Variants in MAST4 observed in about 807,000 individuals in gnomAD.
MAST4 encodes microtubule-associated serine/threonine-protein kinase 4.
Under a neutral mutation model 162.7 loss-of-function variants are expected in MAST4, and 89 were observed. The ratio of observed to expected loss-of-function variants is 0.55; its 90% CI spans 0.46 to 0.65. The LOEUF is 0.65. Ranked by LOEUF, MAST4 falls within the 30% of genes least tolerant of loss-of-function variation. The pLI, the probability that MAST4 is intolerant of heterozygous loss-of-function variation, is 0.00. For synonymous variants in MAST4, 1,479 were observed against 1,361.1 expected (o/e 1.09, Z -1.91); for missense variants, 3,153 against 3,374.0 (o/e 0.93, Z 1.62).
intron 1 of MAST4, among the ~76,000 whole-genome samples, chr5:66,651,320 T>C (rs1382180158): frequency 6.6e-6 from 1 of 152,152 alleles, no homozygotes; most frequent in Non-Finnish European, 1.5e-5. Flanking sequence ...AGATTTTCAT[T>C]TCCTAGTGGA....
rs756670037 is a variant in MAST4 at position 67,166,498 on chromosome 5, C to T, written c.7319C>T (p.Ser2440Phe). 6.2e-7 allele frequency: 1 copy of T among 1,605,418 alleles called. No individual in the cohort carries two copies. The highest frequency in any genetic ancestry group is 1.7e-5 in the Admixed American group (1 of 58,974). The change falls in exon 29 of 29, where the codon TCC becomes TTC. Residue 2440 changes from serine (S) to phenylalanine (F), a missense_variant. By Grantham distance (155) the Ser-to-Phe change is radical. Transcript: ENST00000403625. ...GACAAGCCCAATGGCATGAAACGGT[C>T]CCCCTCAGCCACTGGGCAGAGTTCT... Reference protein sequence around the residue: ...EADKPNGMKRSPSATGQSSFR... With the variant: ...EADKPNGMKRFPSATGQSSFR...
chr5:67,077,116 C>T (rs1351276489), intron 5 of MAST4, among the ~76,000 whole-genome samples: 2 of 152,146 alleles, frequency 1.3e-5, no homozygotes, highest in African/African-American at 2.4e-5. Context: ...CCTGGTCTGG[C>T]CTATATCTTT....
chr5:67,093,582 T>C, intron 6 of MAST4: 1 of 455,028 alleles, frequency 2.2e-6, no homozygotes, highest in Admixed American at 2.3e-5. Context: ...CTGTACAGAG[T>C]ACTGAGCACA....
chr5:67,158,003 G>A (rs34225212), intron 26 of MAST4, among the ~76,000 whole-genome samples: 8 of 152,264 alleles, frequency 5.3e-5, no homozygotes, highest in African/African-American at 1.2e-4. Flanking sequence ...TAGCCCCAGC[G>A]GTCATTATGG....
At chr5:67,100,736 C>T in intron 8 of MAST4, 144 bp downstream of exon 8, 1 of 1,023,274 alleles carries the variant, frequency 9.8e-7, no homozygotes. Flanking sequence ...TCCATGTACA[C>T]ATAATATTGT....
chr5:66,867,815 G>T (rs1450313094), intron 3 of MAST4, among the ~76,000 whole-genome samples: 1 of 152,202 alleles, frequency 6.6e-6, no homozygotes, highest in Non-Finnish European at 1.5e-5. Context: ...GCCCTGTGGG[G>T]CTTGCCCAGA....
intron 1 of MAST4, among the ~76,000 whole-genome samples, chr5:66,688,942 C>T (rs1748865211): frequency 6.6e-6 from 1 of 152,082 alleles, no homozygotes; most frequent in African/African-American, 2.4e-5. Flanking sequence ...ACCTGAAAAG[C>T]CCTACATTTA....
chr5:66,953,426 G>T (rs1469879119), intron 4 of MAST4, among the ~76,000 whole-genome samples: 1 of 152,062 alleles, frequency 6.6e-6, no homozygotes, highest in Non-Finnish European at 1.5e-5. Context: ...ATAAGCAGTG[G>T]TGAAGCTTAT....
chr5:67,010,169 C>T (rs1006467256), intron 4 of MAST4, among the ~76,000 whole-genome samples: 1 of 152,138 alleles, frequency 6.6e-6, no homozygotes, highest in Non-Finnish European at 1.5e-5. Context: ...GCCAGTATCC[C>T]AAACGTGTAT....
At chr5:66,921,004 G>A (rs1314354637) in intron 4 of MAST4, among the ~76,000 whole-genome samples, 4 of 152,102 alleles carry the variant, frequency 2.6e-5, no homozygotes, top group South Asian at 4.1e-4. Flanking sequence ...AATCACAGCG[G>A]CTGCAGTGGA....
intron 1 of MAST4, among the ~76,000 whole-genome samples, chr5:66,738,889 T>C (rs1486487823): frequency 1.3e-5 from 2 of 152,354 alleles, no homozygotes; most frequent in East Asian, 3.9e-4. Context: ...TGTTATGAGA[T>C]ATTGTGACTA....
chr5:67,024,068 C>A (rs1171328059), intron 4 of MAST4, among the ~76,000 whole-genome samples: 1 of 150,290 alleles, frequency 6.7e-6, no homozygotes, highest in Non-Finnish European at 1.5e-5. Context: ...CATTCCCCCT[C>A]CCCCAACCCC....
chr5:66,897,657 G>A (rs1762771129), intron 3 of MAST4, among the ~76,000 whole-genome samples: 1 of 152,190 alleles, frequency 6.6e-6, no homozygotes, highest in Non-Finnish European at 1.5e-5. Context: ...CTACAGCTTG[G>A]TTAGCGTGGT....
intron 5 of MAST4, among the ~76,000 whole-genome samples, chr5:67,080,110 C>G (rs911466868): frequency 1.3e-5 from 2 of 152,216 alleles, no homozygotes; most frequent in Non-Finnish European, 2.9e-5. Context: ...TTAAACACAG[C>G]CTTCAGAAAG....
chr5:66,866,183 AAGTT>A (rs1303980014), intron 3 of MAST4, among the ~76,000 whole-genome samples: 1 of 143,178 alleles, frequency 7.0e-6, no homozygotes, highest in Non-Finnish European at 1.6e-5. Context: ...AGGGTGAAAA[AAGTT>A]AGCTGCCGTC....
chr5:67,111,834 T>C (rs1363431540), intron 11 of MAST4, among the ~76,000 whole-genome samples: 1 of 152,182 alleles, frequency 6.6e-6, no homozygotes, highest in Non-Finnish European at 1.5e-5. Context: ...TAGAAACAAG[T>C]GAACTTACAA....
intron 4 of MAST4, among the ~76,000 whole-genome samples, chr5:67,039,493 G>A (rs2150479924): frequency 6.6e-6 from 1 of 152,278 alleles, no homozygotes. Flanking sequence ...TGGTGAATAT[G>A]GTGAGGAGGA....
At chr5:66,864,892 A>C (rs1296973021) in intron 3 of MAST4, among the ~76,000 whole-genome samples, 1 of 152,240 alleles carries the variant, frequency 6.6e-6, no homozygotes, top group Non-Finnish European at 1.5e-5. Context: ...AAACTGACAC[A>C]GATGGCTTAG....
chr5:67,098,850 A>G (rs1198661175), intron 7 of MAST4, among the ~76,000 whole-genome samples: 2 of 152,204 alleles, frequency 1.3e-5, no homozygotes, highest in African/African-American at 4.8e-5. Flanking sequence ...ATAACAGACC[A>G]GCAACAGTGG....
Sources: allele counts gnomAD v4.1 joint callset (sites outside exome capture counted in the v4.1 genomes callset), GRCh38; gene constraint gnomAD v4.1.1; transcripts MANE v1.5; gene names NCBI Gene and HGNC (gene_info 2026-07-23, HGNC 2026-07-21).